The following ATG9A variants were observed in gnomAD, a reference collection of about 807,000 sequenced individuals.
The protein encoded by ATG9A is autophagy-related protein 9A.
Under a neutral mutation model 87.1 loss-of-function variants are expected in ATG9A, and 21 were observed. The ratio of observed to expected loss-of-function variants is 0.24; its 90% CI spans 0.17 to 0.35. The LOEUF is 0.35. Among genes scored for constraint, ATG9A ranks in the 10% least tolerant of loss-of-function variants. The pLI, the probability that ATG9A is intolerant of heterozygous loss-of-function variation, is 1.00. For missense variants in ATG9A, 836 were observed against 1,107.3 expected (o/e 0.76, Z 3.48); for synonymous variants, 422 against 441.3 (o/e 0.96, Z 0.55).
intron 2 of ATG9A, 144 bp from the exon 3 acceptor site, chr2:219,228,197 C>T (rs570695671): frequency 1.7e-5 from 10 of 600,342 alleles, no homozygotes; most frequent in African/African-American, 7.4e-5. Context: ...AGTAGTGACA[C>T]AAGAAAGGCA....
intron 1 of ATG9A, chr2:219,228,995 CG>C (rs2106449912): frequency 6.6e-6 from 1 of 152,322 alleles, no homozygotes; most frequent in South Asian, 2.1e-4. Flanking sequence ...CAGGCATGGT[CG>C]AGGTGGTACT....
In ATG9A at chr2:219,224,708, T is replaced by A. The variant is rs770425071; in HGVS notation, c.663A>T (p.Ala221=). ...GAGGCAGGAGGGATTTGTTAACCAG[T>A]GCCACCATGTAGTTCTGGAAACGGA... ...RILRFQNYMV[A]LVNKSLLPLR... is the part of the protein sequence containing the mutation. The change falls in exon 8 of 16, where the codon GCA becomes GCT. Residue 221 remains alanine, a synonymous_variant. Coordinates refer to ENST00000361242, the MANE Select transcript of ATG9A (RefSeq NM_001077198.3). This position sits in a 1 kb window ranked among gnomAD's most constrained non-coding sequence, Gnocchi z 7.7. 6.2e-7 allele frequency: 1 copy of A among 1,614,096 alleles called. No homozygotes were observed. The highest frequency in any genetic ancestry group is 1.1e-5 in the South Asian group (1 of 91,096).
At chr2:219,226,377 G>A (rs1043541924) in intron 5 of ATG9A, among the ~76,000 whole-genome samples, 1 of 152,210 alleles carries the variant, frequency 6.6e-6, no homozygotes, top group Non-Finnish European at 1.5e-5. Context: ...GATAAGGCTT[G>A]GAAAGCTTTT....
chr2:219,221,678 T>C (rs368026593), intron 13 of ATG9A, among the ~76,000 whole-genome samples: 4 of 151,760 alleles, frequency 2.6e-5, no homozygotes, highest in African/African-American at 9.7e-5. Context: ...AGCAAATAAA[T>C]AAGGAAAAAA....
Position 219,221,983 on chromosome 2 carries a change from G to A in ATG9A, c.2145+67C>T, listed in dbSNP as rs973229542. The A allele has an allele frequency of 1.7e-5, 25 of 1,435,048 alleles. No individual in the cohort carries two copies. The African/African-American group carries it at 2.8e-4, about 16-fold the overall frequency. 88.9% of individuals were successfully genotyped at this position (1,435,048 alleles called of 1,614,324 possible). On this transcript the variant is annotated intron_variant, in intron 13 of 15. Coordinates refer to ENST00000361242, the MANE Select transcript of ATG9A (RefSeq NM_001077198.3). ...CAGAACAAGTAAATGGCAGAGAAGG[G>A]TTTGGAACCCCGGTCTTGCTTCTCC...
In ATG9A at chr2:219,225,512, G is replaced by A. The variant is rs1950843090; in HGVS notation, c.273C>T (p.Ile91=). The A allele has an allele frequency of 6.8e-6, 11 of 1,614,200 alleles. No homozygotes were observed. The highest frequency in any genetic ancestry group is 8.5e-6 in the Non-Finnish European group (10 of 1,180,032). Residue 91 remains isoleucine, a synonymous_variant, in exon 6 of 16, where the codon ATC becomes ATT. Coordinates refer to ENST00000361242, the MANE Select transcript of ATG9A (RefSeq NM_001077198.3). ...TFLVSCVDYD[I]LFANKMVNHS... ...GGTTCACCATCTTGTTGGCAAATAG[G>A]ATGTCATAGTCCACGCAGCTGACCA... is the stretch of plus-strand genomic sequence containing the variant.
In ATG9A at chr2:219,221,094, T is replaced by C. The variant is rs1405356918; in HGVS notation, c.2354A>G (p.Tyr785Cys). 2 of 1,613,114 alleles carry C rather than the reference T, an allele frequency of 1.2e-6. No individual in the cohort carries two copies. Among genetic ancestry groups the C allele is most frequent in the South Asian group, 1.1e-5 (1 of 90,936 alleles). ...TALHGGFQRR[Y>C]GGITDPGTVP... ...CCACTGGATACCTGTGATGCCACCG[T>C]AGCGCCTCTGGAAGCCCCCATGCAG... The change falls in exon 14 of 16, where the codon TAC (tyrosine) becomes TGC (cysteine). Residue 785 changes from tyrosine (Y) to cysteine (C), a missense_variant. Tyr to Cys is a radical substitution (Grantham distance 194). Transcript: ENST00000361242.
At position 219,222,687 on chromosome 2, in the gene ATG9A, A is replaced by T. The variant is rs754362059; in HGVS notation, c.1806T>A (p.Asn602Lys). 6.2e-7 allele frequency: 1 copy of T among 1,614,174 alleles called. No homozygotes were observed. Residue 602 changes from asparagine (N) to lysine (K), a missense_variant, in exon 11 of 16, where the codon AAT (asparagine) becomes AAA (lysine). Asn to Lys is a moderately conservative substitution (Grantham distance 94). Coordinates refer to ENST00000361242, the MANE Select transcript of ATG9A (RefSeq NM_001077198.3). The surrounding 1 kb of genome is among the most constrained non-coding windows in gnomAD (Gnocchi z 4.3). ...AGGACTGGATAGACGTAAAGAGGGC[A>T]TTTTCAGGGAGCAGACCCCCTTGGG... The part of the protein sequence containing the change: ...SLAQGGLLPE[N>K]ALFTSIQSLQ...
intron 2 of ATG9A, 77 bp from the exon 3 acceptor site, chr2:219,228,130 G>A (rs1431990260): frequency 2.0e-6 from 2 of 999,990 alleles, no homozygotes; most frequent in Admixed American, 2.5e-5. Context: ...ACTGCCAAAA[G>A]GAGAAAGTAC....
chr2:219,220,056 G>A lies in ATG9A; in HGVS notation c.*391C>T. On this transcript the variant is annotated 3_prime_UTR_variant, in exon 16 of 16. Coordinates refer to ENST00000361242, the MANE Select transcript of ATG9A (RefSeq NM_001077198.3). ...GAAGGTTGCAGGGGTTGAGGGTCCAGGCCCAACCTCCCCACTCCACAGTTG... is the reference window on the plus strand; with the variant it reads ...GAAGGTTGCAGGGGTTGAGGGTCCAAGCCCAACCTCCCCACTCCACAGTTG... 1 of 254,406 alleles carries A rather than the reference G, an allele frequency of 3.9e-6. No homozygotes were observed. Among genetic ancestry groups the A allele is most frequent in the Non-Finnish European group, 7.7e-6 (1 of 129,940 alleles). The allele number at this position is 254,406 out of a possible 1,614,324, so 15.8% of individuals were successfully genotyped here. A position where few individuals can be genotyped will look rare whatever the true frequency, so the allele number is the denominator to read the frequency against.
Position 219,222,118 on chromosome 2 carries a change from G to A in ATG9A, c.2077C>T (p.Leu693=). 1.2e-6 allele frequency: 2 copies of A among 1,614,106 alleles called. No individual in the cohort carries two copies. The highest frequency in any genetic ancestry group is 1.7e-6 in the Non-Finnish European group (2 of 1,180,040). ...TATTCTGACAGCACCAGGCTCTGCA[G>A]CTGTCCTTCCCACACGCTGCTCCCG... ...SSGSSVWEGQ[L]QSLVLSEYAS... Residue 693 remains leucine (L), a synonymous_variant, in exon 13 of 16, where the codon CTG becomes TTG. Coordinates refer to ENST00000361242, the MANE Select transcript of ATG9A (RefSeq NM_001077198.3). The surrounding 1 kb of genome is among the most constrained non-coding windows in gnomAD (Gnocchi z 4.3).
In ATG9A at chr2:219,222,744, C is replaced by G; in HGVS notation, c.1749G>C (p.Gln583His). 1.2e-6 allele frequency: 2 copies of G among 1,614,192 alleles called. No individual in the cohort carries two copies. The highest frequency in any genetic ancestry group is 1.7e-6 in the Non-Finnish European group (2 of 1,180,040). The change falls in exon 11 of 16, where the codon CAG becomes CAC. Residue 583 changes from glutamine (Q) to histidine (H), a missense_variant. This residue lies in a region of ATG9A where 324 missense variants were observed against 347.6 expected (regional missense o/e 0.93). Transcript: ENST00000361242. The surrounding 1 kb of genome is among the most constrained non-coding windows in gnomAD (Gnocchi z 4.3). ...STAFLGFLKE[Q>H]VQRDGAAASL... ...TAGCAGCTGCTCCATCCCGCTGAACCTGCTCCTTGAGGAAGCCTAGGAAGG... is the reference window on the plus strand; with the variant it reads ...TAGCAGCTGCTCCATCCCGCTGAACGTGCTCCTTGAGGAAGCCTAGGAAGG...
chr2:219,223,960 G>C lies in ATG9A; in HGVS notation c.1328C>G (p.Ala443Gly). The change falls in exon 9 of 16, where the codon GCT becomes GGT. Residue 443 changes from alanine to glycine, a missense_variant. This residue lies in a region of ATG9A where 512 missense variants were observed against 759.6 expected (regional missense o/e 0.67). Coordinates refer to ENST00000361242, the MANE Select transcript of ATG9A (RefSeq NM_001077198.3). The surrounding 1 kb of genome is among the most constrained non-coding windows in gnomAD (Gnocchi z 4.7). ...GTGGTCAGGCATGTAGTGGATGTGA[G>C]CGAGGATCACGCGGAGCAGCTGCTC... ...CPEQLLRVILAHIHYMPDHWQ... is the reference protein window; with the variant it reads ...CPEQLLRVILGHIHYMPDHWQ... 1 of 1,614,180 alleles carries C rather than the reference G, an allele frequency of 6.2e-7. No homozygotes were observed. Among genetic ancestry groups the C allele is most frequent in the South Asian group, 1.1e-5 (1 of 91,086 alleles).
chr2:219,222,995 A>T lies in ATG9A; in HGVS notation c.1600-102T>A, dbSNP rs1950792090. 1.4e-6 allele frequency: 2 copies of T among 1,461,806 alleles called. No homozygotes were observed. Among genetic ancestry groups the T allele is most frequent in the Non-Finnish European group, 1.8e-6 (2 of 1,082,042 alleles). The allele number at this position is 1,461,806 out of a possible 1,614,324, so 90.6% of individuals were successfully genotyped here. On this transcript the variant is annotated intron_variant, in intron 10 of 15. Transcript: ENST00000361242. This position sits in a 1 kb window ranked among gnomAD's most constrained non-coding sequence, Gnocchi z 4.3. ...GCCTTACCCTTGGAGAACGGAGACC[A>T]CAGTATACTGTCAATCTTTCCCAGG...
Position 219,224,138 on chromosome 2 carries a change from G to C in ATG9A, c.1233C>G (p.Val411=). 6.2e-7 allele frequency: 1 copy of C among 1,613,826 alleles called. No individual in the cohort carries two copies. Among genetic ancestry groups the C allele is most frequent in the Non-Finnish European group, 8.5e-7 (1 of 1,180,012 alleles). The change falls in exon 8 of 16, where the codon GTC becomes GTG. Residue 411 remains valine, a synonymous_variant. Transcript: ENST00000361242. The surrounding 1 kb of genome is among the most constrained non-coding windows in gnomAD (Gnocchi z 7.7). ...CGGTCACGGTGACCCCCAGGAGTGT[G>C]ACGGTGGTCAGCACATGTTCCACAG... The part of the protein sequence containing the change: ...VLAVEHVLTT[V]TLLGVTVTVC...
In ATG9A at chr2:219,225,579, A is replaced by G; in HGVS notation, c.213-7T>C. 6.2e-7 allele frequency: 1 copy of G among 1,613,328 alleles called. No homozygotes were observed. Among genetic ancestry groups the G allele is most frequent in the Non-Finnish European group, 8.5e-7 (1 of 1,179,442 alleles). On this transcript the variant is annotated splice_region_variant and splice_polypyrimidine_tract_variant and intron_variant, in intron 5 of 15. Transcript: ENST00000361242. ...AACCACAAAGAGGAACTGCCTGGGG[A>G]GTTGGGAAGAAGGGGTGCAGTCTGA...
intron 5 of ATG9A, 140 bp from the exon 6 acceptor site, chr2:219,225,712 G>A (rs1019545353): frequency 3.4e-6 from 3 of 892,280 alleles, no homozygotes; most frequent in Middle Eastern, 3.5e-4. Flanking sequence ...GGCCCTCTCT[G>A]CTCCTCAGCC....
At position 219,229,319 on chromosome 2, in the gene ATG9A, T is replaced by G. The variant is rs1451095547; in HGVS notation, c.-82+216A>C. The G allele has an allele frequency of 6.6e-6, 1 of 151,022 alleles. No individual in the cohort carries two copies. Among genetic ancestry groups the G allele is most frequent in the African/African-American group, 2.4e-5 (1 of 41,058 alleles). 9.4% of individuals were successfully genotyped at this position (151,022 alleles called of 1,614,324 possible). A position where few individuals can be genotyped will look rare whatever the true frequency, so the allele number is the denominator to read the frequency against. On this transcript the variant is annotated intron_variant, in intron 1 of 15. Coordinates refer to ENST00000361242, the MANE Select transcript of ATG9A (RefSeq NM_001077198.3). This position sits in a 1 kb window ranked among gnomAD's most constrained non-coding sequence, Gnocchi z 4.2. ...CGGCCCCAGGCCAAGGGCTGGCAGC[T>G]CCCAACAGCGGACAACCTCGCGCGC...
rs763824395 is a variant in ATG9A at position 219,220,413 on chromosome 2, C to T, written c.*34G>A. On this transcript the variant is annotated 3_prime_UTR_variant, in exon 16 of 16. Transcript: ENST00000361242. The stretch of plus-strand genomic sequence containing the variant: ...GGGATGGCAGGGCAGCGGTGGCCTC[C>T]ATCCTGGGCCACAGGAACCCTGCTC... 6 of 1,612,396 alleles carry T rather than the reference C, an allele frequency of 3.7e-6. No individual in the cohort carries two copies. Among genetic ancestry groups the T allele is most frequent in the Admixed American group, 3.3e-5 (2 of 59,916 alleles).
Sources: gnomAD v4.1 joint callset for allele counts (sites outside exome capture counted in the v4.1 genomes callset) on GRCh38, gnomAD v4.1.1 for gene constraint, gnomAD v4.1.1 regional missense constraint, Gnocchi (gnomAD v3.1) non-coding constraint, MANE v1.5 for transcripts, NCBI Gene and HGNC (gene_info 2026-07-23, HGNC 2026-07-21) for gene names.